Variants in NARS2 observed in about 807,000 individuals in gnomAD.
The protein encoded by NARS2 is asparaginyl-tRNA synthetase.
A neutral mutation model predicts 62.9 loss-of-function variants in NARS2; 60 were observed. The observed-to-expected ratio is 0.95, with a 90% CI of 0.77 to 1.18. The LOEUF (loss-of-function observed/expected upper bound fraction) is 1.18, where lower values mean the gene tolerates loss of function less well. Among genes scored for constraint, NARS2 ranks in the 50% most tolerant of loss-of-function variants. The pLI is 0.00. For missense variants in NARS2, 619 were observed against 576.4 expected (o/e 1.07, Z -0.76); for synonymous variants, 196 against 200.0 (o/e 0.98, Z 0.17).
chr11:78,465,971 T>C lies in NARS2; in HGVS notation c.1069A>G (p.Lys357Glu), dbSNP rs1252730032. 2 of 1,613,540 alleles carry C rather than the reference T, an allele frequency of 1.2e-6. No homozygotes were observed. The highest frequency in any genetic ancestry group is 2.7e-5 in the African/African-American group (2 of 74,888). ...LRTEHEKYLV[K>E]HCGNIPVFVI... ...AAGACAGGTATGTTGCCACAGTGCT[T>C]CACCAGGTACTTTTCATGTTCAGTC... Residue 357 changes from lysine (K) to glutamate (E), a missense_variant, in exon 11 of 14, where the codon AAG (lysine) becomes GAG (glutamate). Physicochemically the swap from Lys to Glu is moderately conservative, Grantham distance 56. Coordinates refer to ENST00000281038, the MANE Select transcript of NARS2 (RefSeq NM_024678.6).
chr11:78,552,698 C>T (rs1021765925), intron 5 of NARS2, among the ~76,000 whole-genome samples: 2 of 152,164 alleles, frequency 1.3e-5, no homozygotes, highest in African/African-American at 4.8e-5. Flanking sequence ...AGCCCCCTCC[C>T]CACTTCGAGT....
At chr11:78,554,508 C>T (rs11237543) in intron 5 of NARS2, among the ~76,000 whole-genome samples, 56 of 147,012 alleles carry the variant, frequency 3.8e-4, no homozygotes, top group African/African-American at 5.6e-4. Flanking sequence ...GGCGTGTGTG[C>T]GTGTGTGTGT....
chr11:78,562,618 A>C (rs924299581), intron 4 of NARS2, among the ~76,000 whole-genome samples: 2 of 152,220 alleles, frequency 1.3e-5, no homozygotes, highest in Non-Finnish European at 2.9e-5. Context: ...GAACACTTCC[A>C]CTGGAATTTA....
chr11:78,507,386 G>C (rs1252802948), intron 6 of NARS2, among the ~76,000 whole-genome samples: 1 of 152,054 alleles, frequency 6.6e-6, no homozygotes, highest in African/African-American at 2.4e-5. Context: ...GCCTGGCATA[G>C]AGACAGCCTT....
chr11:78,553,580 T>C (rs1856212059), intron 5 of NARS2, among the ~76,000 whole-genome samples: 2 of 152,208 alleles, frequency 1.3e-5, no homozygotes, highest in African/African-American at 2.4e-5. Flanking sequence ...TGAACCACCA[T>C]GCCTAGCCAT....
chr11:78,545,524 CTTT>C (rs888860047), intron 5 of NARS2, among the ~76,000 whole-genome samples: 5 of 134,844 alleles, frequency 3.7e-5, no homozygotes, highest in Admixed American at 7.4e-5. Flanking sequence ...ATGCTTTTTC[CTTT>C]TTTTTTTTTT....
At chr11:78,532,913 C>T (rs758030728) in intron 5 of NARS2, among the ~76,000 whole-genome samples, 19 of 152,196 alleles carry the variant, frequency 1.2e-4, no homozygotes, top group Non-Finnish European at 2.2e-4. Flanking sequence ...TTCTTTGCTT[C>T]TACTTATATA....
intron 11 of NARS2, among the ~76,000 whole-genome samples, chr11:78,461,542 G>C (rs1007821930): frequency 1.4e-5 from 2 of 143,346 alleles, no homozygotes; most frequent in Non-Finnish European, 3.0e-5. Flanking sequence ...TCAACGGTGT[G>C]ATAGGGGTGG....
chr11:78,528,956 G>C lies in NARS2; in HGVS notation c.595-20C>G. ...TGAAGGCTGCAAATCAAAAACATAAGCCACAAAAAACTATTAAATGTTTTG... is the reference window on the plus strand; with the variant it reads ...TGAAGGCTGCAAATCAAAAACATAACCCACAAAAAACTATTAAATGTTTTG... On this transcript the variant is annotated intron_variant, in intron 5 of 13. Coordinates refer to ENST00000281038, the MANE Select transcript of NARS2 (RefSeq NM_024678.6). 4.6e-6 allele frequency: 7 copies of C among 1,505,688 alleles called. No individual in the cohort carries two copies. The highest frequency in any genetic ancestry group is 6.4e-6 in the Non-Finnish European group (7 of 1,085,456). 93.3% of individuals were successfully genotyped at this position (1,505,688 alleles called of 1,614,324 possible).
chr11:78,506,405 G>A (rs771581689), intron 6 of NARS2, among the ~76,000 whole-genome samples: 6 of 152,160 alleles, frequency 3.9e-5, no homozygotes, highest in African/African-American at 7.2e-5. Context: ...CATCACAATA[G>A]CTCCACACGC....
At chr11:78,506,890 G>C (rs971913000) in intron 6 of NARS2, among the ~76,000 whole-genome samples, 1 of 152,212 alleles carries the variant, frequency 6.6e-6, no homozygotes, top group Admixed American at 6.5e-5. Context: ...GCAACTTCCA[G>C]AGAAAGGCTT....
At chr11:78,558,790 T>C (rs1012630840) in intron 5 of NARS2, among the ~76,000 whole-genome samples, 1 of 152,222 alleles carries the variant, frequency 6.6e-6, no homozygotes, top group Non-Finnish European at 1.5e-5. Flanking sequence ...TCAGTTCTTA[T>C]GAAAAAATGT....
intron 6 of NARS2, among the ~76,000 whole-genome samples, chr11:78,496,835 G>C (rs895484239): frequency 6.6e-6 from 1 of 152,136 alleles, no homozygotes; most frequent in Non-Finnish European, 1.5e-5. Context: ...GCTTGGCATT[G>C]ATCTCTACTG....
chr11:78,449,591 G>C (rs557799350), intron 11 of NARS2, among the ~76,000 whole-genome samples: 1 of 152,016 alleles, frequency 6.6e-6, no homozygotes, highest in African/African-American at 2.4e-5. Flanking sequence ...GAAAGTTGTT[G>C]TATTAGTCAG....
chr11:78,443,964 T>A (rs1857662863), intron 11 of NARS2: 1 of 335,194 alleles, frequency 3.0e-6, no homozygotes, highest in South Asian at 7.5e-5. Context: ...ATTTTCTTCA[T>A]AAATGTGATA....
chr11:78,537,615 T>C (rs116459079), intron 5 of NARS2, among the ~76,000 whole-genome samples: 2,195 of 152,134 alleles, frequency 0.014, 56 homozygotes, highest in African/African-American at 0.05. Context: ...CTGGGCAACA[T>C]AGTGAGAGGT....
chr11:78,510,124 T>C (rs1214987578), intron 6 of NARS2, among the ~76,000 whole-genome samples: 1 of 152,188 alleles, frequency 6.6e-6, no homozygotes, highest in Non-Finnish European at 1.5e-5. Flanking sequence ...GAGAAGTTCC[T>C]CCTTACCAGT....
rs1003033418 is a variant in NARS2, at chr11:78,574,722, C to A, written c.-234G>T. 2 of 494,364 alleles carry A rather than the reference C, an allele frequency of 4.0e-6. No homozygotes were observed. Among genetic ancestry groups the A allele is most frequent in the East Asian group, 3.4e-5 (1 of 29,020 alleles). The allele number at this position is 494,364 out of a possible 1,614,324, so 30.6% of individuals were successfully genotyped here. ...CGGAATGGACAGGACACTAGGCAAA[C>A]GCCAGAAAGAAACCACGTGCAGTTG... On this transcript the variant is annotated 5_prime_UTR_variant, in exon 1 of 14. Coordinates refer to ENST00000281038, the MANE Select transcript of NARS2 (RefSeq NM_024678.6).
intron 7 of NARS2, among the ~76,000 whole-genome samples, chr11:78,488,135 C>A (rs115338754): frequency 0.016 from 2,441 of 150,962 alleles, 55 homozygotes; most frequent in African/African-American, 0.056. Flanking sequence ...CAGAGGTTTT[C>A]AAGGTATGTG....
Sources: allele counts gnomAD v4.1 joint callset (sites outside exome capture counted in the v4.1 genomes callset), GRCh38; gene constraint gnomAD v4.1.1; transcripts MANE v1.5; gene names NCBI Gene and HGNC (gene_info 2026-07-23, HGNC 2026-07-21).